Variants in SLC36A1 observed in about 807,000 individuals in gnomAD.
SLC36A1 encodes proton-coupled amino acid transporter 1.
Under a neutral mutation model 47.5 loss-of-function variants are expected in SLC36A1, and 30 were observed. The observed-to-expected ratio is 0.63, with a 90% confidence interval of 0.47 to 0.86. SLC36A1 has a LOEUF of 0.86. SLC36A1 is among the 40% of genes least tolerant of loss of function. The probability of loss-of-function intolerance (pLI) is 0.00; values close to 1 mark genes in which losing one functional copy is unlikely to be tolerated. For missense variants in SLC36A1, 517 were observed against 606.0 expected (o/e 0.85, Z 1.54); for synonymous variants, 255 against 249.7 (o/e 1.02, Z -0.20).
the SLC36A1 span, chr5:151,522,269 G>A: frequency 1.8e-6 from 1 of 557,120 alleles, no homozygotes; most frequent in Non-Finnish European, 3.2e-6. Context: ...AGAAAAGAAA[G>A]ATTTTCTGAA....
chr5:151,463,019 G>T (rs1755778193), intron 2 of SLC36A1, among the ~76,000 whole-genome samples: 1 of 152,044 alleles, frequency 6.6e-6, no homozygotes, highest in African/African-American at 2.4e-5. Flanking sequence ...GGGATTACAG[G>T]CACATGCCGC....
the SLC36A1 span, among the ~76,000 whole-genome samples, chr5:151,534,185 G>A: frequency 6.6e-6 from 1 of 152,196 alleles, no homozygotes; most frequent in Non-Finnish European, 1.5e-5. Context: ...GAAACAATAA[G>A]GCTGAAATAC....
chr5:151,549,302 G>A, the SLC36A1 span: 1 of 1,612,764 alleles, frequency 6.2e-7, no homozygotes, highest in East Asian at 2.2e-5. Flanking sequence ...CACCTTTCAG[G>A]AGGGAGTAGT....
chr5:151,544,127 C>T, the SLC36A1 span: 1 of 1,614,242 alleles, frequency 6.2e-7, no homozygotes, highest in Non-Finnish European at 8.5e-7. Context: ...AGTTCTTGAA[C>T]TGTGGACATC....
the SLC36A1 span, among the ~76,000 whole-genome samples, chr5:151,517,001 G>A: frequency 5.3e-5 from 8 of 151,952 alleles, no homozygotes; most frequent in African/African-American, 1.2e-4. Context: ...CCAACTACTC[G>A]GGAAGCTGAG....
chr5:151,415,264 A>T, the SLC36A1 span, among the ~76,000 whole-genome samples: 1 of 152,240 alleles, frequency 6.6e-6, no homozygotes, highest in East Asian at 1.9e-4. Context: ...TGTCCTTCTT[A>T]TGCTTGGAAG....
intron 1 of SLC36A1, among the ~76,000 whole-genome samples, chr5:151,454,968 A>G (rs1430193064): frequency 6.6e-6 from 1 of 152,032 alleles, no homozygotes; most frequent in Non-Finnish European, 1.5e-5. Flanking sequence ...GCTTTCAACC[A>G]TTCCTCATTT....
the SLC36A1 span, among the ~76,000 whole-genome samples, chr5:151,517,099 C>G: frequency 6.8e-6 from 1 of 147,544 alleles, no homozygotes; most frequent in Non-Finnish European, 1.5e-5. Context: ...CAGAGAGAGA[C>G]TCCATCTCAA....
the SLC36A1 span, among the ~76,000 whole-genome samples, chr5:151,555,678 C>T: frequency 6.6e-6 from 1 of 152,140 alleles, no homozygotes; most frequent in African/African-American, 2.4e-5. Context: ...CTAATAACAC[C>T]TGTTTCTTAC....
At chr5:151,405,996 T>C in the SLC36A1 span, among the ~76,000 whole-genome samples, 1 of 152,206 alleles carries the variant, frequency 6.6e-6, no homozygotes, top group Non-Finnish European at 1.5e-5. Flanking sequence ...ACTGCATGCC[T>C]CTTTTGTGTT....
intron 7 of SLC36A1, chr5:151,469,279 T>C (rs1309944903): frequency 5.7e-6 from 4 of 697,132 alleles, no homozygotes; most frequent in Middle Eastern, 2.3e-4. Flanking sequence ...CATGTAAGTA[T>C]ATTGAGAAAT....
chr5:151,552,554 T>C, the SLC36A1 span, among the ~76,000 whole-genome samples: 1 of 152,202 alleles, frequency 6.6e-6, no homozygotes, highest in East Asian at 1.9e-4. Context: ...CTCTAAATTG[T>C]ATGCAGATTT....
chr5:151,547,559 T>C, the SLC36A1 span, among the ~76,000 whole-genome samples: 1 of 152,214 alleles, frequency 6.6e-6, no homozygotes, highest in African/African-American at 2.4e-5. Flanking sequence ...AGTTTTGTCA[T>C]AAAACTTTCA....
At chr5:151,538,740 C>A in the SLC36A1 span, among the ~76,000 whole-genome samples, 1 of 152,244 alleles carries the variant, frequency 6.6e-6, no homozygotes, top group South Asian at 2.1e-4. Context: ...TGCAGTGGCA[C>A]GATCTTGGCT....
chr5:151,387,923 T>C, the SLC36A1 span, among the ~76,000 whole-genome samples: 1 of 152,220 alleles, frequency 6.6e-6, no homozygotes, highest in Non-Finnish European at 1.5e-5. Context: ...ATAATGTGGC[T>C]TGCTTTTGGA....
chr5:151,517,192 A>C, the SLC36A1 span, among the ~76,000 whole-genome samples: 1 of 152,212 alleles, frequency 6.6e-6, no homozygotes, highest in African/African-American at 2.4e-5. Flanking sequence ...GACCTTCCAC[A>C]TGACATAATC....
chr5:151,531,487 G>A, the SLC36A1 span: 1 of 1,481,628 alleles, frequency 6.7e-7, no homozygotes, highest in Non-Finnish European at 9.1e-7. This position sits in a 1 kb window ranked among gnomAD's most constrained non-coding sequence, Gnocchi z 5.7. Flanking sequence ...GTCTGCTCTG[G>A]GAGGCGCTGC....
chr5:151,472,804 A>AT (rs1363150115), intron 7 of SLC36A1, among the ~76,000 whole-genome samples: 1 of 152,126 alleles, frequency 6.6e-6, no homozygotes, highest in African/African-American at 2.4e-5. Context: ...TAAAATTAAA[A>AT]TTTTTTCTCA....
At chr5:151,540,331 T>A in the SLC36A1 span, among the ~76,000 whole-genome samples, 2 of 151,126 alleles carry the variant, frequency 1.3e-5, no homozygotes. Flanking sequence ...CAGAGATGGG[T>A]CCCTCGGTCC....
Sources: gnomAD v4.1 joint callset for allele counts (sites outside exome capture counted in the v4.1 genomes callset) on GRCh38, gnomAD v4.1.1 for gene constraint, Gnocchi (gnomAD v3.1) non-coding constraint, MANE v1.5 for transcripts, NCBI Gene and HGNC (gene_info 2026-07-23, HGNC 2026-07-21) for gene names.